The following MACF1 variants were observed in gnomAD, a reference collection of about 807,000 sequenced individuals.
The protein encoded by MACF1 is microtubule actin crosslinking factor 1.
MACF1 carries 193 observed loss-of-function variants against 854.8 expected under a neutral mutation model. The ratio of observed to expected loss-of-function variants is 0.23; its 90% CI spans 0.20 to 0.25. The LOEUF (loss-of-function observed/expected upper bound fraction) is 0.25. Among genes scored for constraint, MACF1 ranks in the 10% least tolerant of loss-of-function variants. The probability of loss-of-function intolerance (pLI) is 1.00; values close to 1 mark genes in which losing one functional copy is unlikely to be tolerated. For synonymous variants in MACF1, 3,185 were observed against 3,226.7 expected (o/e 0.99, Z 0.44); for missense variants, 7,722 against 8,929.1 (o/e 0.86, Z 5.45).
Position 39,312,044 on chromosome 1 carries a change from A to G in MACF1, c.3270+1044A>G, listed in dbSNP as rs544882636. Among the ~76,000 whole-genome samples, 16 of 152,276 alleles carry G rather than the reference A, an allele frequency of 1.1e-4. No homozygotes were observed. In the East Asian group the frequency reaches 2.7e-3, roughly 26 times the overall value. On this transcript the variant is annotated intron_variant, in intron 26 of 100. Transcript: ENST00000564288. The stretch of plus-strand genomic sequence containing the variant: ...TCATGTGGAAGCTTTTTACTTTTCT[A>G]TAGGGTGATACAAAATCTATTTGTC...
At chr1:39,296,931 G>C (rs914855506) in intron 20 of MACF1, among the ~76,000 whole-genome samples, 2 of 151,796 alleles carry the variant, frequency 1.3e-5, no homozygotes, top group African/African-American at 2.4e-5. Context: ...TTTTGCCCTA[G>C]ATTTTTTTTT....
rs145792948 is a variant in MACF1, at chr1:39,358,813, C to T, written c.12060C>T (p.Leu4020=). The T allele has an allele frequency of 4.3e-6, 7 of 1,613,648 alleles. No individual in the cohort carries two copies. The African/African-American group carries it at 5.3e-5, about 12-fold the overall frequency. ...CTTGTGAGGCCAACGTGGAGAAGCT[C>T]CTCTCAGATACTGTTGCCTCTGACC... ...MQACEANVEK[L]LSDTVASDPG... is the part of the protein sequence containing the mutation. The change falls in exon 46 of 101, where the codon CTC becomes CTT. Residue 4020 remains leucine, a synonymous_variant. Transcript: ENST00000564288.
Position 39,336,538 on chromosome 1 carries a change from A to G in MACF1, c.9950A>G (p.Lys3317Arg), listed in dbSNP as rs1646813159. The G allele has an allele frequency of 6.2e-7, 1 of 1,614,084 alleles. No individual in the cohort carries two copies. The change falls in exon 37 of 101, where the codon AAG becomes AGG. Residue 3317 changes from lysine (K) to arginine (R), a missense_variant. Transcript: ENST00000564288. The stretch of plus-strand genomic sequence containing the variant: ...GTATGCTCTGCAGTGAAGACAGAGA[A>G]GACACCACAGGAAAAGCTCAGAGAA... The part of the protein sequence containing the change: ...LTVCSAVKTE[K>R]TPQEKLRESP...
At chr1:39,369,954 C>T in intron 50 of MACF1, 76 bp from the exon 51 acceptor site, 1 of 1,358,034 alleles carries the variant, frequency 7.4e-7, no homozygotes, top group South Asian at 1.4e-5. Context: ...TCTGGAGTCA[C>T]AGAATGAACT....
Position 39,411,402 on chromosome 1 carries a change from A to G in MACF1, c.15817-10972A>G, listed in dbSNP as rs377671525. 5.6e-6 allele frequency: 9 copies of G among 1,613,966 alleles called. No individual in the cohort carries two copies. In the African/African-American group the frequency reaches 1.2e-4, roughly 22 times the overall value. On this transcript the variant is annotated intron_variant, in intron 58 of 100. Transcript: ENST00000564288. ...TGGTGGAGGATGGATCCGATTGCTT[A>G]GCTGCTGTCTTGAGGACTTTTGGCC...
At chr1:39,421,241 T>C (rs142859312) in intron 58 of MACF1, among the ~76,000 whole-genome samples, 56 of 152,364 alleles carry the variant, frequency 3.7e-4, no homozygotes, top group African/African-American at 1.2e-3. Flanking sequence ...TAAATCGTAA[T>C]GGAGCTTAAC....
At chr1:39,399,561 G>A (rs888289463) in intron 58 of MACF1, among the ~76,000 whole-genome samples, 5 of 151,886 alleles carry the variant, frequency 3.3e-5, no homozygotes, top group Admixed American at 3.3e-4. Flanking sequence ...ATTTTTAGTA[G>A]AGACAGGGTT....
At chr1:39,386,132 A>G (rs75138923) in intron 57 of MACF1, among the ~76,000 whole-genome samples, 3,012 of 152,310 alleles carry the variant, frequency 0.02, 105 homozygotes, top group African/African-American at 0.07. Flanking sequence ...GAAGGTTTAC[A>G]TAGCATAGTC....
intron 58 of MACF1, chr1:39,411,977 A>G (rs1377049889): frequency 6.2e-7 from 1 of 1,613,838 alleles, no homozygotes; most frequent in Non-Finnish European, 8.5e-7. Context: ...AGCAAGGAGG[A>G]ATGTGAAAAA....
At chr1:39,136,850 G>C (rs1643184987) in intron 2 of MACF1, among the ~76,000 whole-genome samples, 1 of 152,120 alleles carries the variant, frequency 6.6e-6, no homozygotes. Context: ...GGGGGCACTT[G>C]TATGACAGTA....
In MACF1 at chr1:39,460,141, C is replaced by G. The variant is rs1359889090; in HGVS notation, c.21361-491C>G. Among the ~76,000 whole-genome samples, 1 of 152,180 alleles carries G rather than the reference C, an allele frequency of 6.6e-6. No homozygotes were observed. The highest frequency in any genetic ancestry group is 1.5e-5 in the Non-Finnish European group (1 of 68,032). On this transcript the variant is annotated intron_variant, in intron 91 of 100. Coordinates refer to ENST00000564288, the MANE Select transcript of MACF1 (RefSeq NM_001394062.1). This position sits in a 1 kb window ranked among gnomAD's most constrained non-coding sequence, Gnocchi z 4.1. Reference sequence around the variant, plus strand: ...ACATGCTTGGATACAACATTGGGTTCCCAATGCTTCCATCCAGAACTCAGA... The same window carrying G: ...ACATGCTTGGATACAACATTGGGTTGCCAATGCTTCCATCCAGAACTCAGA...
intron 80 of MACF1, among the ~76,000 whole-genome samples, chr1:39,446,793 C>A (rs898619881): frequency 1.3e-5 from 2 of 152,118 alleles, no homozygotes; most frequent in Non-Finnish European, 2.9e-5. Context: ...AGCCTTTTCC[C>A]TGAATGAGCT....
chr1:39,155,088 A>G (rs756800156), intron 2 of MACF1, among the ~76,000 whole-genome samples: 2 of 152,188 alleles, frequency 1.3e-5, no homozygotes, highest in African/African-American at 2.4e-5. Context: ...TTATTGAACT[A>G]TGGTTCTTTG....
rs551435421 is a variant in MACF1 at position 39,388,568 on chromosome 1, C to T, written c.15726C>T (p.Asp5242=). 9.3e-6 allele frequency: 15 copies of T among 1,614,040 alleles called. No homozygotes were observed. Among genetic ancestry groups the T allele is most frequent in the East Asian group, 6.7e-5 (3 of 44,880 alleles). The change falls in exon 58 of 101, where the codon GAC becomes GAT. Residue 5242 remains aspartate, a synonymous_variant. Transcript: ENST00000564288. ...DFYRKLKGLN[D]ATTAAEEAEA... is the part of the protein sequence containing the mutation. ...ACAGGAAATTGAAAGGACTCAATGA[C>T]GCGACCACAGCAGCAGAGGAGGCAG...
chr1:39,195,232 G>A (rs916255976), intron 2 of MACF1, among the ~76,000 whole-genome samples: 8 of 151,974 alleles, frequency 5.3e-5, no homozygotes, highest in Admixed American at 2.0e-4. Context: ...ACTTGTTCTC[G>A]GTTGTATGTT....
At chr1:39,406,692 G>A (rs928078386) in intron 58 of MACF1, among the ~76,000 whole-genome samples, 12 of 129,994 alleles carry the variant, frequency 9.2e-5, no homozygotes, top group Admixed American at 8.9e-4. Flanking sequence ...CCAAGATTGC[G>A]CCACTGCACT....
At chr1:39,178,961 A>T (rs914945552) in intron 2 of MACF1, among the ~76,000 whole-genome samples, 1 of 152,202 alleles carries the variant, frequency 6.6e-6, no homozygotes, top group Admixed American at 6.5e-5. Context: ...GTCTAGGAGC[A>T]TGCTGGAGGC....
In MACF1 at chr1:39,333,844, A is replaced by C; in HGVS notation, c.7256A>C (p.Lys2419Thr). The C allele has an allele frequency of 6.2e-7, 1 of 1,614,182 alleles. No homozygotes were observed. Among genetic ancestry groups the C allele is most frequent in the East Asian group, 2.2e-5 (1 of 44,888 alleles). The change falls in exon 37 of 101, where the codon AAA becomes ACA. Residue 2419 changes from lysine (K) to threonine (T), a missense_variant. Lys to Thr is a moderately conservative substitution (Grantham distance 78, BLOSUM62 -1). This residue lies in a region of MACF1 where 1,531 missense variants were observed against 1,601.6 expected (regional missense o/e 0.96). Transcript: ENST00000564288. ...GGIIDLKRGK[K>T]VSVTLASTLG... Reference sequence around the variant, plus strand: ...ATTATTGATCTGAAACGAGGCAAAAAAGTTTCAGTAACTTTGGCCTCAACT... The same window carrying C: ...ATTATTGATCTGAAACGAGGCAAAACAGTTTCAGTAACTTTGGCCTCAACT...
At chr1:39,479,614 A>G (rs550111009) in intron 97 of MACF1, among the ~76,000 whole-genome samples, 184 bp from the exon 98 acceptor site, 3 of 152,308 alleles carry the variant, frequency 2.0e-5, no homozygotes, top group Non-Finnish European at 4.4e-5. Context: ...CATATCTGCT[A>G]TGGGTAGGAA....
Sources: allele counts gnomAD v4.1 joint callset (sites outside exome capture counted in the v4.1 genomes callset), GRCh38; gene constraint gnomAD v4.1.1; regional missense constraint gnomAD v4.1.1; non-coding constraint Gnocchi (gnomAD v3.1); transcripts MANE v1.5; gene names NCBI Gene and HGNC (gene_info 2026-07-23, HGNC 2026-07-21).